The following CCDC6 variants were observed in gnomAD, a reference collection of about 807,000 sequenced individuals.
CCDC6 encodes the protein coiled-coil domain containing 6, also known as coiled-coil domain-containing protein 6.
CCDC6 carries 20 observed loss-of-function variants against 56.6 expected under a neutral mutation model. The ratio of observed to expected loss-of-function variants is 0.35; its 90% CI spans 0.25 to 0.51. The LOEUF (loss-of-function observed/expected upper bound fraction) is 0.51. Among genes scored for constraint, CCDC6 ranks in the 20% least tolerant of loss-of-function variants. The pLI, the probability that CCDC6 is intolerant of heterozygous loss-of-function variation, is 0.95. For missense variants in CCDC6, 367 were observed against 601.1 expected (o/e 0.61, Z 4.07); for synonymous variants, 241 against 234.4 (o/e 1.03, Z -0.26).
At chr10:59,807,342 G>A (rs541415528) in intron 5 of CCDC6, among the ~76,000 whole-genome samples, 27 of 152,152 alleles carry the variant, frequency 1.8e-4, no homozygotes, top group African/African-American at 5.8e-4. Flanking sequence ...AACATTAGCT[G>A]GGCGTGGTGG....
chr10:59,791,941 T>C lies in CCDC6; in HGVS notation c.*976A>G, dbSNP rs1014832588. 4.5e-6 allele frequency: 1 copy of C among 221,198 alleles called. No homozygotes were observed. The highest frequency in any genetic ancestry group is 1.4e-3 in the Middle Eastern group (1 of 736). The allele number at this position is 221,198 out of a possible 1,614,324, so 13.7% of individuals were successfully genotyped here. A position where few individuals can be genotyped will look rare whatever the true frequency, so the allele number is the denominator to read the frequency against. ...GCAATACAATATTTTCTGGCCATTA[T>C]GCCAAGATAATGCGATAATGTCCAT... is the stretch of plus-strand genomic sequence containing the variant. On this transcript the variant is annotated 3_prime_UTR_variant, in exon 9 of 9. Transcript: ENST00000263102.
At chr10:59,867,495 CAACTCCTT>C (rs1200861998) in intron 1 of CCDC6, among the ~76,000 whole-genome samples, 3 of 152,232 alleles carry the variant, frequency 2.0e-5, no homozygotes, top group African/African-American at 7.2e-5. Context: ...GCAGTCTCCA[CAACTCCTT>C]AACATAACGC....
At chr10:59,797,973 C>T (rs565392848) in intron 7 of CCDC6, among the ~76,000 whole-genome samples, 3 of 152,218 alleles carry the variant, frequency 2.0e-5, no homozygotes, top group South Asian at 4.2e-4. Context: ...CATCTAAAAG[C>T]GATCCTCACC....
intron 2 of CCDC6, among the ~76,000 whole-genome samples, chr10:59,846,315 T>C (rs2070991089): frequency 6.6e-6 from 1 of 152,194 alleles, no homozygotes; most frequent in Non-Finnish European, 1.5e-5. Flanking sequence ...TTCTTCCCAG[T>C]TTTATTTCTG....
Position 59,848,095 on chromosome 10 carries a change from T to C in CCDC6, c.453+4458A>G, listed in dbSNP as rs554005638. Among the ~76,000 whole-genome samples the C allele has an allele frequency of 6.6e-5, 10 of 152,268 alleles. No individual in the cohort carries two copies. In the South Asian group the frequency reaches 2.1e-3, roughly 32 times the overall value. On this transcript the variant is annotated intron_variant, in intron 2 of 8. Transcript: ENST00000263102. ...TGTGAGTGAGTGTGCCCGTGTGCCC[T>C]GCGATAGAATAGATCCTGCCCAGGG...
At chr10:59,811,738 G>A (rs1327751123) in intron 5 of CCDC6, among the ~76,000 whole-genome samples, 1 of 152,030 alleles carries the variant, frequency 6.6e-6, no homozygotes, top group African/African-American at 2.4e-5. Context: ...CCTTCCACAT[G>A]TACAGGTTTG....
intron 8 of CCDC6, 131 bp downstream of exon 8, chr10:59,794,342 G>T: frequency 1.1e-6 from 1 of 884,430 alleles, no homozygotes; most frequent in Non-Finnish European, 1.8e-6. Flanking sequence ...AGTCTCTACA[G>T]TTTCAAGGTG....
intron 2 of CCDC6, among the ~76,000 whole-genome samples, chr10:59,846,796 C>T (rs2070995859): frequency 6.6e-6 from 1 of 152,146 alleles, no homozygotes. Flanking sequence ...CTTCCTACCC[C>T]AGTTGTAATC....
chr10:59,852,204 G>A (rs1023463976), intron 2 of CCDC6, among the ~76,000 whole-genome samples: 3 of 152,034 alleles, frequency 2.0e-5, no homozygotes, highest in Non-Finnish European at 1.5e-5. Context: ...AAAAGTTTAC[G>A]TACTTATTAC....
chr10:59,819,248 C>CA (rs1349934288), intron 3 of CCDC6, among the ~76,000 whole-genome samples: 6 of 152,154 alleles, frequency 3.9e-5, no homozygotes, highest in African/African-American at 1.4e-4. Context: ...ACTATACTGA[C>CA]AATGTTAAGT....
At chr10:59,850,385 C>T (rs958632068) in intron 2 of CCDC6, among the ~76,000 whole-genome samples, 1 of 151,990 alleles carries the variant, frequency 6.6e-6, no homozygotes, top group African/African-American at 2.4e-5. Context: ...AGCCTAAAAA[C>T]CAAGCTGGGA....
chr10:59,893,613 C>T (rs1035876732), intron 1 of CCDC6, among the ~76,000 whole-genome samples: 3 of 131,790 alleles, frequency 2.3e-5, no homozygotes, highest in African/African-American at 5.8e-5. Context: ...CTCAAACAAA[C>T]AAATACATAC....
At chr10:59,839,531 G>A (rs1293501505) in intron 2 of CCDC6, among the ~76,000 whole-genome samples, 1 of 151,992 alleles carries the variant, frequency 6.6e-6, no homozygotes, top group Non-Finnish European at 1.5e-5. Flanking sequence ...CTGCCCCAAA[G>A]CCCCTGTTTC....
At chr10:59,804,248 A>C (rs1424395111) in intron 7 of CCDC6, among the ~76,000 whole-genome samples, 172 bp downstream of exon 7, 1 of 124,352 alleles carries the variant, frequency 8.0e-6, no homozygotes, top group East Asian at 2.1e-4. Flanking sequence ...ATTTATGCTT[A>C]AAATTTTCAA....
At chr10:59,824,474 T>A (rs921857284) in intron 3 of CCDC6, among the ~76,000 whole-genome samples, 2 of 152,192 alleles carry the variant, frequency 1.3e-5, no homozygotes, top group African/African-American at 2.4e-5. Flanking sequence ...GTGGGTGGGA[T>A]GAATGCACCC....
chr10:59,829,782 G>C (rs908265628), intron 3 of CCDC6, among the ~76,000 whole-genome samples: 2 of 152,158 alleles, frequency 1.3e-5, no homozygotes, highest in African/African-American at 4.8e-5. Context: ...GAATGGTACG[G>C]GGTTTCATTT....
At chr10:59,804,318 CCT>C in intron 7 of CCDC6, 100 bp downstream of exon 7, 2 of 717,864 alleles carry the variant, frequency 2.8e-6, no homozygotes, top group South Asian at 3.3e-5. Flanking sequence ...GATTATTATC[CCT>C]GTTTCCAAGA....
chr10:59,849,889 C>T lies in CCDC6; in HGVS notation c.453+2664G>A, dbSNP rs140114045. Among the ~76,000 whole-genome samples, 705 of 152,236 alleles carry T rather than the reference C, an allele frequency of 4.6e-3. 5 individuals are homozygous for T. Among genetic ancestry groups the T allele is most frequent in the African/African-American group, 0.016 (661 of 41,552 alleles). On this transcript the variant is annotated intron_variant, in intron 2 of 8. Coordinates refer to ENST00000263102, the MANE Select transcript of CCDC6 (RefSeq NM_005436.5). Reference sequence around the variant, plus strand: ...AACAGTATTTCCATGCTGGGTGGCACAAAATGTGGGCATTCAACAAAAGAC... The same window carrying T: ...AACAGTATTTCCATGCTGGGTGGCATAAAATGTGGGCATTCAACAAAAGAC...
chr10:59,799,977 T>C (rs1182244151), intron 7 of CCDC6, among the ~76,000 whole-genome samples: 1 of 152,238 alleles, frequency 6.6e-6, no homozygotes, highest in Non-Finnish European at 1.5e-5. Flanking sequence ...TTAACTCCTC[T>C]CAAAGCCCAT....
Sources: allele counts gnomAD v4.1 joint callset (sites outside exome capture counted in the v4.1 genomes callset), GRCh38; gene constraint gnomAD v4.1.1; transcripts MANE v1.5; gene names NCBI Gene and HGNC (gene_info 2026-07-23, HGNC 2026-07-21).